TCF20: variants seen among roughly 807,000 people sequenced by gnomAD.
TCF20 encodes the protein SPRE-binding protein.
In TCF20, 3 loss-of-function variants were observed where a neutral mutation model predicts 148.6. The observed-to-expected ratio is 0.02, with a 90% CI of 0.01 to 0.05. The LOEUF (loss-of-function observed/expected upper bound fraction) is 0.05, where lower values mean the gene tolerates loss of function less well. Among genes scored for constraint, TCF20 ranks in the 10% least tolerant of loss-of-function variants. The probability of loss-of-function intolerance (pLI) is 1.00; values close to 1 mark genes in which losing one functional copy is unlikely to be tolerated. For missense variants in TCF20, 2,350 were observed against 2,429.3 expected, an observed-to-expected ratio of 0.97 and a Z score of 0.69; for synonymous variants, 1,049 against 909.5, an observed-to-expected ratio of 1.15 and a Z score of -2.76.
intron 2 of TCF20, among the ~76,000 whole-genome samples, chr22:42,201,239 G>C (rs184108840): frequency 1.9e-4 from 29 of 152,296 alleles, no homozygotes; most frequent in Admixed American, 1.5e-3. Flanking sequence ...CCAGAACTGT[G>C]AGCCAATTCA....
At chr22:42,325,260 G>T (rs1041061991) in intron 1 of TCF20, among the ~76,000 whole-genome samples, 1 of 152,224 alleles carries the variant, frequency 6.6e-6, no homozygotes, top group East Asian at 1.9e-4. Flanking sequence ...GCGGGGCCAG[G>T]CAAGGAAATG....
rs3045578 is a variant in TCF20, at chr22:42,243,292, CAA to C, written c.-37+27045_-37+27046del. ...TGGCTGGCAGAGCAAGACACTGTCTCAAAAAAAAAAAAAAAAAAAAAAAAAAA... is the reference window on the plus strand; with the variant it reads ...TGGCTGGCAGAGCAAGACACTGTCTCAAAAAAAAAAAAAAAAAAAAAAAAA... On this transcript the variant is annotated intron_variant, in intron 1 of 5. Coordinates refer to ENST00000677622, the MANE Select transcript of TCF20 (RefSeq NM_001378418.1). Among the ~76,000 whole-genome samples, 204 of 39,390 alleles carry C rather than the reference CAA, an allele frequency of 5.2e-3. 1 individual carries two copies. The highest frequency in any genetic ancestry group is 0.015 in the East Asian group (10 of 676). 25.8% of individuals were successfully genotyped at this position (39,390 alleles called of 152,430 possible). A position where few individuals can be genotyped will look rare whatever the true frequency, so the allele number is the denominator to read the frequency against.
intron 1 of TCF20, among the ~76,000 whole-genome samples, chr22:42,291,881 G>T (rs1050807150): frequency 6.6e-6 from 1 of 151,906 alleles, no homozygotes; most frequent in Non-Finnish European, 1.5e-5. Context: ...TGAGGGGGTG[G>T]GGCCCTACCC....
chr22:42,192,663 T>TCCTAAG (rs11281743), intron 2 of TCF20, among the ~76,000 whole-genome samples: 4,470 of 152,164 alleles, frequency 0.029, 225 homozygotes, highest in African/African-American at 0.1. Context: ...GGTCCTCAAA[T>TCCTAAG]CCTAAGCCAG....
At chr22:42,179,512 G>C in intron 3 of TCF20, 97 bp downstream of exon 3, 1 of 483,438 alleles carries the variant, frequency 2.1e-6, no homozygotes, top group Non-Finnish European at 3.3e-6. Flanking sequence ...AAAAAAAAAA[G>C]AAAAGAAAAG....
intron 2 of TCF20, among the ~76,000 whole-genome samples, chr22:42,180,294 C>T (rs1169537983): frequency 6.6e-6 from 1 of 152,138 alleles, no homozygotes; most frequent in South Asian, 2.1e-4. Context: ...TATTTTTATA[C>T]ATGAATCTTA....
chr22:42,272,973 G>A (rs1419044502), upstream of TCF20, among the ~76,000 whole-genome samples: 7 of 151,928 alleles, frequency 4.6e-5, no homozygotes, highest in African/African-American at 1.7e-4. Context: ...ACCAACCTGC[G>A]CAACACAGTG....
At chr22:42,280,180 C>T (rs185542444) in intron 1 of TCF20, among the ~76,000 whole-genome samples, 2 of 152,212 alleles carry the variant, frequency 1.3e-5, no homozygotes, top group African/African-American at 2.4e-5. Flanking sequence ...TCCAAGAAAA[C>T]CAAAGCAACA....
chr22:42,291,203 T>C (rs1263966666), intron 1 of TCF20, among the ~76,000 whole-genome samples: 1 of 152,208 alleles, frequency 6.6e-6, no homozygotes, highest in Non-Finnish European at 1.5e-5. Flanking sequence ...GCCTCCTGTG[T>C]GCCAGGGATC....
chr22:42,162,073 T>TG (rs1289125527), intron 5 of TCF20, among the ~76,000 whole-genome samples: 1 of 133,488 alleles, frequency 7.5e-6, no homozygotes, highest in Non-Finnish European at 1.5e-5. Flanking sequence ...CTCTGCCCCC[T>TG]GGGTTCAAGT....
chr22:42,224,999 A>C lies in TCF20; in HGVS notation c.-36-9658T>G, dbSNP rs1418007219. ...ATTAATTTTTGTGTAGGAAATAATC[A>C]CTTTTTTTTTTTTTTTTTGAGACAG... is the stretch of plus-strand genomic sequence containing the variant. On this transcript the variant is annotated intron_variant, in intron 1 of 5. Coordinates refer to ENST00000677622, the MANE Select transcript of TCF20 (RefSeq NM_001378418.1). Among the ~76,000 whole-genome samples, 7 of 98,806 alleles carry C rather than the reference A, an allele frequency of 7.1e-5. No homozygotes were observed. In the South Asian group the frequency reaches 1.1e-3, roughly 16 times the overall value. The allele number at this position is 98,806 out of a possible 152,430, so 64.8% of individuals were successfully genotyped here. A position where few individuals can be genotyped will look rare whatever the true frequency, so the allele number is the denominator to read the frequency against.
At chr22:42,222,931 CTGTT>C (rs1200788061) in intron 1 of TCF20, among the ~76,000 whole-genome samples, 7 of 152,126 alleles carry the variant, frequency 4.6e-5, no homozygotes, top group African/African-American at 7.2e-5. Flanking sequence ...GGCAGGCAGA[CTGTT>C]TGAGCTCAGG....
chr22:42,247,006 T>C (rs941541746), intron 1 of TCF20, among the ~76,000 whole-genome samples: 3 of 142,246 alleles, frequency 2.1e-5, no homozygotes, highest in African/African-American at 5.2e-5. Context: ...AAGAAAGGTA[T>C]AATAAAAAGC....
chr22:42,321,178 C>T (rs1317295277), intron 1 of TCF20, among the ~76,000 whole-genome samples: 1 of 152,238 alleles, frequency 6.6e-6, no homozygotes, highest in African/African-American at 2.4e-5. Flanking sequence ...CTGCCATACC[C>T]TGACCTCTCA....
At chr22:42,192,695 G>A (rs1937396162) in intron 2 of TCF20, among the ~76,000 whole-genome samples, 1 of 152,192 alleles carries the variant, frequency 6.6e-6, no homozygotes, top group African/African-American at 2.4e-5. Context: ...TCTCAGCCAA[G>A]CTTCAGTGGG....
In TCF20 at chr22:42,296,238, C is replaced by T. The variant is rs184909447; in HGVS notation, c.-37+47241G>A. Among the ~76,000 whole-genome samples, 16 of 152,348 alleles carry T rather than the reference C, an allele frequency of 1.1e-4. No individual in the cohort carries two copies. The East Asian group carries it at 1.7e-3, about 17-fold the overall frequency. On this transcript the variant is annotated intron_variant, in intron 1 of 1. Transcript: ENST00000515426. ...CCTCCCCGAGCCAGGCCTCAGCGAACGGGATGCTGTGTCCTTGACCCCCAG... is the reference window on the plus strand; with the variant it reads ...CCTCCCCGAGCCAGGCCTCAGCGAATGGGATGCTGTGTCCTTGACCCCCAG...
intron 1 of TCF20, among the ~76,000 whole-genome samples, chr22:42,280,228 G>T (rs1300236892): frequency 6.6e-6 from 1 of 152,226 alleles, no homozygotes; most frequent in Admixed American, 6.5e-5. Context: ...GCGGGCCTGA[G>T]AGGTGAACAG....
chr22:42,285,938 C>A (rs1927023886), upstream of TCF20, among the ~76,000 whole-genome samples: 1 of 152,190 alleles, frequency 6.6e-6, no homozygotes, highest in Admixed American at 6.5e-5. The surrounding 1 kb of genome is among the most constrained non-coding windows in gnomAD (Gnocchi z 4.2). Flanking sequence ...ACTTTCTATG[C>A]TTTTCCCCCA....
intron 1 of TCF20, among the ~76,000 whole-genome samples, chr22:42,217,436 C>T (rs1921925679): frequency 6.6e-6 from 1 of 152,192 alleles, no homozygotes; most frequent in South Asian, 2.1e-4. Context: ...TTATCCCCTG[C>T]CTGGCCCCAT....
Sources: allele counts gnomAD v4.1 joint callset (sites outside exome capture counted in the v4.1 genomes callset), GRCh38; gene constraint gnomAD v4.1.1; non-coding constraint Gnocchi (gnomAD v3.1); transcripts MANE v1.5; gene names NCBI Gene and HGNC (gene_info 2026-07-23, HGNC 2026-07-21).